CPVL: variants seen among roughly 807,000 people sequenced by gnomAD.
CPVL encodes the protein carboxypeptidase vitellogenic like, also known as probable serine carboxypeptidase CPVL.
In CPVL, 51 loss-of-function variants were observed where a neutral mutation model predicts 63.7. The observed-to-expected ratio is 0.80, with a 90% confidence interval of 0.64 to 1.01. The LOEUF is 1.01. CPVL is among the 50% of genes least tolerant of loss of function. The pLI is 0.00. For missense variants in CPVL, 530 were observed against 573.1 expected, an observed-to-expected ratio of 0.92 and a Z score of 0.77; for synonymous variants, 195 against 206.0, an observed-to-expected ratio of 0.95 and a Z score of 0.46.
chr7:29,021,827 G>T (rs1787013158), intron 12 of CPVL, among the ~76,000 whole-genome samples: 1 of 151,894 alleles, frequency 6.6e-6, no homozygotes, highest in Non-Finnish European at 1.5e-5. Flanking sequence ...CACCTTTGGG[G>T]CCCAATACCC....
intron 11 of CPVL, among the ~76,000 whole-genome samples, chr7:29,039,657 T>C (rs1584066656): frequency 6.6e-6 from 1 of 152,004 alleles, no homozygotes; most frequent in East Asian, 1.9e-4. Context: ...CATTTTTTGT[T>C]GTGGTTAAAA....
chr7:29,161,322 T>A (rs1215975496), intron 5 of CPVL, among the ~76,000 whole-genome samples: 2 of 152,152 alleles, frequency 1.3e-5, no homozygotes, highest in Non-Finnish European at 2.9e-5. Flanking sequence ...AAACACTCCC[T>A]ATAGCACATC....
At chr7:29,080,979 G>C (rs1404641870) in intron 7 of CPVL, among the ~76,000 whole-genome samples, 1 of 152,174 alleles carries the variant, frequency 6.6e-6, no homozygotes, top group Non-Finnish European at 1.5e-5. Context: ...CTGCTAGTTT[G>C]GAAGCGTTCC....
chr7:29,103,796 T>G (rs1407948803), intron 3 of CPVL, among the ~76,000 whole-genome samples: 1 of 152,234 alleles, frequency 6.6e-6, no homozygotes, highest in Non-Finnish European at 1.5e-5. Flanking sequence ...ATGGCACTGC[T>G]TAAGATGAGA....
Position 29,030,593 on chromosome 7 carries a change from G to A in CPVL, c.1304C>T (p.Ala435Val), listed in dbSNP as rs7313. The A allele has an allele frequency of 0.44, 709,290 of 1,611,010 alleles. 161,053 individuals carry two copies. Among genetic ancestry groups the A allele is most frequent in the Non-Finnish European group, 0.47 (559,726 of 1,178,544 alleles). The stretch of plus-strand genomic sequence containing the variant: ...TCTTCCTACCTGATGGAAGTCACCC[G>A]CTTGCCGGATGTAACCAGCCACTTC... Reference protein sequence around the residue: ...DSEVAGYIRQAGDFHQVIIRG... With the variant: ...DSEVAGYIRQVGDFHQVIIRG... Residue 435 changes from alanine (A) to valine (V), a missense_variant, in exon 12 of 13, where the codon GCG becomes GTG. Physicochemically the swap from Ala to Val is moderately conservative, Grantham distance 64 (BLOSUM62 0). Transcript: ENST00000265394.
rs529945444 is a variant in CPVL at position 29,100,390 on chromosome 7, T to G, written c.289-4173A>C. On this transcript the variant is annotated intron_variant, in intron 3 of 12. Transcript: ENST00000265394. ...CTGTGGGGAGGAGGCCTCATCAGTC[T>G]TTCTCAAAAGCTCCCAGGTGGTTCT... Among the ~76,000 whole-genome samples, 17 of 152,342 alleles carry G rather than the reference T, an allele frequency of 1.1e-4. No homozygotes were observed. The South Asian group carries it at 3.3e-3, about 30-fold the overall frequency.
At chr7:29,107,512 C>T (rs1488322467) in intron 3 of CPVL, among the ~76,000 whole-genome samples, 1 of 152,250 alleles carries the variant, frequency 6.6e-6, no homozygotes, top group Non-Finnish European at 1.5e-5. Flanking sequence ...AATGCCATCT[C>T]CCAAGTTATA....
chr7:29,115,175 C>A (rs951071759), intron 2 of CPVL, among the ~76,000 whole-genome samples: 1 of 152,176 alleles, frequency 6.6e-6, no homozygotes, highest in Admixed American at 6.5e-5. Context: ...GCATATGAAC[C>A]CTTAGCCTAG....
chr7:29,039,741 T>C (rs1015005573), intron 11 of CPVL, among the ~76,000 whole-genome samples: 1 of 152,144 alleles, frequency 6.6e-6, no homozygotes, highest in Non-Finnish European at 1.5e-5. Context: ...CTCTTACTTA[T>C]TAGGAAAATT....
chr7:29,058,839 AT>A (rs1047730300), intron 11 of CPVL, among the ~76,000 whole-genome samples: 3 of 151,004 alleles, frequency 2.0e-5, no homozygotes, highest in Non-Finnish European at 3.0e-5. Context: ...TTTATCTTTG[AT>A]TTTTTTGAAG....
intron 12 of CPVL, among the ~76,000 whole-genome samples, chr7:29,023,657 T>C (rs761484128): frequency 1.3e-4 from 20 of 152,078 alleles, no homozygotes; most frequent in Non-Finnish European, 2.5e-4. Flanking sequence ...GGTGTCCCAA[T>C]CCATAGCAAA....
At chr7:29,072,009 G>T in intron 8 of CPVL, 105 bp from the exon 9 acceptor site, 3 of 1,396,456 alleles carry the variant, frequency 2.1e-6, no homozygotes, top group Non-Finnish European at 3.0e-6. Flanking sequence ...TTAATATTGT[G>T]CTGGTTAGCC....
intron 12 of CPVL, among the ~76,000 whole-genome samples, chr7:29,007,896 T>A (rs1404488779): frequency 6.6e-6 from 1 of 152,176 alleles, no homozygotes; most frequent in East Asian, 1.9e-4. Flanking sequence ...TAAATGAATA[T>A]TTTTAAAATA....
intron 4 of CPVL, 45 bp from the exon 5 acceptor site, chr7:29,095,187 A>G: frequency 6.5e-7 from 1 of 1,549,640 alleles, no homozygotes; most frequent in South Asian, 1.1e-5. Flanking sequence ...GTGGACAAGC[A>G]TTCCACCGAG....
At chr7:29,149,984 T>C (rs939805627), upstream of CPVL, among the ~76,000 whole-genome samples, 2 of 152,242 alleles carry the variant, frequency 1.3e-5, no homozygotes, top group Admixed American at 6.5e-5. Flanking sequence ...CAATAGATAT[T>C]TTTAGCCCTT....
Position 29,187,006 on chromosome 7 carries a change from A to G in CPVL, c.-447-459T>C, listed in dbSNP as rs995260507. ...AAATGAGGATAACAATTCTCACTTC[A>G]GGATTGTTATGGGTATATGACAATG... On this transcript the variant is annotated intron_variant, in intron 1 of 16. Transcript: ENST00000409850. Among the ~76,000 whole-genome samples the G allele has an allele frequency of 4.6e-5, 7 of 152,202 alleles. 1 individual carries two copies. Among genetic ancestry groups the G allele is most frequent in the Admixed American group, 3.9e-4 (6 of 15,284 alleles).
chr7:29,104,371 C>T (rs890570482), intron 3 of CPVL, among the ~76,000 whole-genome samples: 6 of 152,204 alleles, frequency 3.9e-5, no homozygotes, highest in Non-Finnish European at 7.3e-5. Context: ...AGCGATTCTC[C>T]TGCCTCAGCC....
chr7:28,997,995 T>A (rs1784257028), intron 12 of CPVL, among the ~76,000 whole-genome samples: 1 of 152,212 alleles, frequency 6.6e-6, no homozygotes, highest in Non-Finnish European at 1.5e-5. Flanking sequence ...GTGAAACCCA[T>A]CTACCATTTG....
At chr7:29,194,823 C>G in intron 1 of CPVL, 1 of 875,836 alleles carries the variant, frequency 1.1e-6, no homozygotes, top group Non-Finnish European at 1.6e-6. Flanking sequence ...GCTTTCTGCG[C>G]GTCCCCAGGA....
Sources: allele counts gnomAD v4.1 joint callset (sites outside exome capture counted in the v4.1 genomes callset), GRCh38; gene constraint gnomAD v4.1.1; transcripts MANE v1.5; gene names NCBI Gene and HGNC (gene_info 2026-07-23, HGNC 2026-07-21).